Variants in STARD13 observed in about 807,000 individuals in gnomAD.
The protein encoded by STARD13 is StAR related lipid transfer domain containing 13, also known as stAR-related lipid transfer protein 13.
STARD13 carries 62 observed loss-of-function variants against 106.4 expected under a neutral mutation model. The ratio of observed to expected loss-of-function variants is 0.58; its 90% confidence interval spans 0.48 to 0.72. The LOEUF is 0.72. Ranked by LOEUF, STARD13 falls within the 30% of genes least tolerant of loss-of-function variation. The probability of loss-of-function intolerance (pLI) is 0.00; values close to 1 mark genes in which losing one functional copy is unlikely to be tolerated. For synonymous variants in STARD13, 565 were observed against 553.0 expected, an observed-to-expected ratio of 1.02 and a Z score of -0.31; for missense variants, 1,387 against 1,424.0, an observed-to-expected ratio of 0.97 and a Z score of 0.42.
the STARD13 span, among the ~76,000 whole-genome samples, chr13:33,510,792 CT>C: frequency 6.6e-6 from 1 of 152,132 alleles, no homozygotes; most frequent in Non-Finnish European, 1.5e-5. Context: ...TTATTTTGAA[CT>C]TCTAAATCTA....
the STARD13 span, among the ~76,000 whole-genome samples, chr13:33,444,144 T>C: frequency 7.2e-5 from 11 of 152,176 alleles, no homozygotes; most frequent in African/African-American, 2.7e-4. Flanking sequence ...TCTCTGGGTA[T>C]TGTATTCACT....
chr13:33,297,253 C>T (rs1452987891), intron 1 of STARD13, among the ~76,000 whole-genome samples: 1 of 152,218 alleles, frequency 6.6e-6, no homozygotes, highest in Non-Finnish European at 1.5e-5. Flanking sequence ...ACACAGATAG[C>T]CAGCCATGGT....
the STARD13 span, among the ~76,000 whole-genome samples, chr13:33,557,198 T>C: frequency 6.6e-6 from 1 of 152,046 alleles, no homozygotes; most frequent in African/African-American, 2.4e-5. Context: ...CTCCTTCTAG[T>C]CCCTCTTCCT....
chr13:33,443,270 G>A, the STARD13 span, among the ~76,000 whole-genome samples: 6 of 151,888 alleles, frequency 4.0e-5, no homozygotes, highest in East Asian at 3.9e-4. Context: ...CCAGCTACTC[G>A]GGAGGCTGAG....
the STARD13 span, among the ~76,000 whole-genome samples, chr13:33,368,786 C>G: frequency 6.0e-4 from 91 of 152,262 alleles, no homozygotes; most frequent in African/African-American, 2.2e-3. Context: ...CCGAGCAGCA[C>G]TCGGAGGAGC....
chr13:33,285,776 A>G, upstream of STARD13: 1 of 1,466,072 alleles, frequency 6.8e-7, no homozygotes, highest in South Asian at 1.4e-5. Flanking sequence ...AGGAGTGCCA[A>G]AGCCACAACT....
At position 33,112,827 on chromosome 13, in the gene STARD13, C is replaced by T. The variant is rs747931814; in HGVS notation, c.2386G>A (p.Val796Ile). 4.0e-5 allele frequency: 65 copies of T among 1,613,874 alleles called. No homozygotes were observed. Among genetic ancestry groups the T allele is most frequent in the East Asian group, 2.2e-5 (1 of 44,884 alleles). ...TGATTCTCTTCCACCAAGTTGACGACGTCGTTCAGGAAACACAAGAGCGTC... is the reference window on the plus strand; with the variant it reads ...TGATTCTCTTCCACCAAGTTGACGATGTCGTTCAGGAAACACAAGAGCGTC... ...LQTLLCFLND[V>I]VNLVEENQMT... The change falls in exon 9 of 14, where the codon GTC (valine) becomes ATC (isoleucine). Residue 796 changes from valine (V) to isoleucine (I), a missense_variant. Transcript: ENST00000336934.
intron 8 of STARD13, chr13:33,117,563 GTTTA>G: frequency 1.1e-6 from 1 of 941,058 alleles, no homozygotes; most frequent in Non-Finnish European, 1.3e-6. Flanking sequence ...ATATAAATAA[GTTTA>G]TTTAAGCTTA....
At chr13:33,251,775 G>A (rs1009376486) in intron 1 of STARD13, among the ~76,000 whole-genome samples, 1 of 152,192 alleles carries the variant, frequency 6.6e-6, no homozygotes, top group African/African-American at 2.4e-5. Flanking sequence ...CATTTTTAAT[G>A]TTAGATGGGG....
the STARD13 span, among the ~76,000 whole-genome samples, chr13:33,501,078 C>CTTT: frequency 0.011 from 1,042 of 94,076 alleles, 78 homozygotes; most frequent in African/African-American, 0.039. Context: ...TCTCTCTCTC[C>CTTT]TTTTTTTTTT....
the STARD13 span, among the ~76,000 whole-genome samples, chr13:33,542,584 GGC>G: frequency 3.9e-4 from 59 of 152,324 alleles, no homozygotes; most frequent in Non-Finnish European, 7.5e-4. Flanking sequence ...ACCAAGACGA[GGC>G]GCGCGCACCA....
chr13:33,576,691 G>C, the STARD13 span, among the ~76,000 whole-genome samples: 11,517 of 152,188 alleles, frequency 0.076, 565 homozygotes, highest in East Asian at 0.26. Flanking sequence ...TACAAAATTT[G>C]AGAGGAAACT....
At chr13:33,635,373 T>C in the STARD13 span, among the ~76,000 whole-genome samples, 1 of 152,194 alleles carries the variant, frequency 6.6e-6, no homozygotes, top group Admixed American at 6.5e-5. Context: ...TAAAAACACT[T>C]AGCAGGCCGG....
At chr13:33,301,440 G>GT (rs1381265250) in intron 1 of STARD13, among the ~76,000 whole-genome samples, 1 of 152,012 alleles carries the variant, frequency 6.6e-6, no homozygotes, top group Non-Finnish European at 1.5e-5. Context: ...ACTTCATTAT[G>GT]TTAAGTCTTT....
intron 1 of STARD13, among the ~76,000 whole-genome samples, chr13:33,274,861 C>T (rs546600585): frequency 6.6e-6 from 1 of 152,200 alleles, no homozygotes; most frequent in South Asian, 2.1e-4. Context: ...ATGATGTTTG[C>T]CTCAGACTTC....
chr13:33,652,028 G>A, the STARD13 span, among the ~76,000 whole-genome samples: 4 of 152,188 alleles, frequency 2.6e-5, no homozygotes, highest in South Asian at 2.1e-4. Flanking sequence ...GCAGTGCCAC[G>A]TTGAGCAGAA....
chr13:33,380,105 G>T, the STARD13 span, among the ~76,000 whole-genome samples: 12 of 152,150 alleles, frequency 7.9e-5, no homozygotes, highest in Non-Finnish European at 1.8e-4. Context: ...AAATGTGGAG[G>T]CCAGGCGCGG....
intron 1 of STARD13, chr13:33,279,757 A>G (rs1286925332): frequency 1.3e-5 from 2 of 150,928 alleles, no homozygotes; most frequent in African/African-American, 2.5e-5. Context: ...CCTTTTGTTA[A>G]TTTCCTCCCA....
chr13:33,414,294 T>C, the STARD13 span, among the ~76,000 whole-genome samples: 1 of 152,200 alleles, frequency 6.6e-6, no homozygotes, highest in African/African-American at 2.4e-5. Context: ...ATTGTTTTCC[T>C]ATGCATTTAT....
Sources: allele counts gnomAD v4.1 joint callset (sites outside exome capture counted in the v4.1 genomes callset), GRCh38; gene constraint gnomAD v4.1.1; transcripts MANE v1.5; gene names NCBI Gene and HGNC (gene_info 2026-07-23, HGNC 2026-07-21).